PCNT: variants seen among roughly 807,000 people sequenced by gnomAD.
PCNT encodes pericentrin.
A neutral mutation model predicts 380.4 loss-of-function variants in PCNT; 319 were observed. The observed-to-expected ratio is 0.84, with a 90% CI of 0.77 to 0.92. The LOEUF is 0.92. PCNT is among the 40% of genes least tolerant of loss of function. The pLI, the probability that PCNT is intolerant of heterozygous loss-of-function variation, is 0.00. For missense variants in PCNT, 4,400 were observed against 4,255.3 expected (o/e 1.03, Z -0.95); for synonymous variants, 1,845 against 1,735.2 (o/e 1.06, Z -1.57).
At chr21:46,429,592 C>T (rs528125992) in intron 35 of PCNT, among the ~76,000 whole-genome samples, 23 of 152,158 alleles carry the variant, frequency 1.5e-4, no homozygotes, top group Non-Finnish European at 2.5e-4. Context: ...CCACGGGGTG[C>T]GGGAAGTATT....
At chr21:46,440,338 G>A (rs946890925) in intron 42 of PCNT, 136 bp downstream of exon 42, 88 of 918,582 alleles carry the variant, frequency 9.6e-5, no homozygotes, top group Non-Finnish European at 1.5e-4. Flanking sequence ...AGGAAAGGAC[G>A]TTCACAGAAT....
rs1342651494 is a variant in PCNT at position 46,382,065 on chromosome 21, GTATATTC to G, written c.3312+226_3312+232del. Among the ~76,000 whole-genome samples, 5,334 of 140,808 alleles carry G rather than the reference GTATATTC, an allele frequency of 0.038. 328 individuals carry two copies. Among genetic ancestry groups the G allele is most frequent in the East Asian group, 0.06 (274 of 4,584 alleles). The allele number at this position is 140,808 out of a possible 152,430, so 92.4% of individuals were successfully genotyped here. A position where few individuals can be genotyped will look rare whatever the true frequency, so the allele number is the denominator to read the frequency against. On this transcript the variant is annotated intron_variant, in intron 16 of 46. Coordinates refer to ENST00000359568, the MANE Select transcript of PCNT (RefSeq NM_006031.6). The stretch of plus-strand genomic sequence containing the variant: ...ATGGCGGAAGCGCATTCACCATGTT[GTATATTC>G]AGTGGCGGAAGCGCATTCATAGTGT...
chr21:46,409,613 C>G (rs948640807), intron 27 of PCNT, among the ~76,000 whole-genome samples: 2 of 151,950 alleles, frequency 1.3e-5, no homozygotes, highest in Non-Finnish European at 2.9e-5. Flanking sequence ...TTTTATTTTT[C>G]TTTTTTGACA....
At chr21:46,386,990 C>T (rs566513644) in intron 17 of PCNT, among the ~76,000 whole-genome samples, 1 of 152,306 alleles carries the variant, frequency 6.6e-6, no homozygotes, top group South Asian at 2.1e-4. Context: ...CCACTGCTCC[C>T]GTCTGTCTGT....
chr21:46,329,899 G>A (rs1205361604), intron 2 of PCNT, among the ~76,000 whole-genome samples: 1 of 152,206 alleles, frequency 6.6e-6, no homozygotes, highest in Non-Finnish European at 1.5e-5. Flanking sequence ...AGGCATGGCA[G>A]GGCCTGACTG....
intron 31 of PCNT, among the ~76,000 whole-genome samples, chr21:46,419,738 C>T (rs1313307353): frequency 6.6e-6 from 1 of 152,200 alleles, no homozygotes; most frequent in Non-Finnish European, 1.5e-5. Context: ...CTTGCCCCTC[C>T]TCAACGGTCT....
intron 4 of PCNT, 95 bp downstream of exon 4, chr21:46,346,303 C>T: frequency 1.5e-6 from 1 of 667,176 alleles, no homozygotes; most frequent in East Asian, 3.5e-5. Context: ...TGGGCGCTGC[C>T]ATCTCCTTTC....
In PCNT at chr21:46,430,139, G is replaced by A. The variant is rs150826832; in HGVS notation, c.7820G>A (p.Arg2607Gln). The A allele has an allele frequency of 7.5e-5, 121 of 1,614,100 alleles. No homozygotes were observed. The highest frequency in any genetic ancestry group is 9.4e-5 in the Non-Finnish European group (111 of 1,180,044). Residue 2607 changes from arginine (R) to glutamine (Q), a missense_variant, in exon 36 of 47, where the codon CGA becomes CAA. Transcript: ENST00000359568. ...CTGGCGGCGGAGCAGACTGTAGTGC[G>A]AGATTTGAAGTCCGACCTCTGTGAG... ...KLLAAEQTVV[R>Q]DLKSDLCESR...
At chr21:46,423,803 AGGGGGAGTGGGAGGGGAGGAGGGGGAG>A (rs2087367686) in intron 32 of PCNT, among the ~76,000 whole-genome samples, 25 of 18,528 alleles carry the variant, frequency 1.3e-3, no homozygotes, top group African/African-American at 4.5e-3. Flanking sequence ...GAGGAAGAGA[AGGGGGAGTGGGAGGGGAGGAGGGGGAG>A]GGGGAGGGGA....
rs755341946 is a variant in PCNT, at chr21:46,349,671, T to C, written c.1208-13T>C. ...TGTCTTGTAAACCAAGTGCCATTGC[T>C]TTACCTTTCTAGGGGCCCTTAGGAA... On this transcript the variant is annotated splice_polypyrimidine_tract_variant and intron_variant, in intron 7 of 46. Transcript: ENST00000359568. The C allele has an allele frequency of 1.2e-6, 2 of 1,613,712 alleles. No homozygotes were observed. Among genetic ancestry groups the C allele is most frequent in the African/African-American group, 1.3e-5 (1 of 75,040 alleles).
intron 15 of PCNT, among the ~76,000 whole-genome samples, chr21:46,371,683 G>C (rs2085131705): frequency 6.6e-6 from 1 of 152,218 alleles, no homozygotes; most frequent in Non-Finnish European, 1.5e-5. Context: ...ACCTATGCAG[G>C]ACTGCATTTA....
Position 46,389,353 on chromosome 21 carries a change from G to A in PCNT, c.3762G>A (p.Gln1254=), listed in dbSNP as rs886057184. 6.2e-7 allele frequency: 1 copy of A among 1,614,212 alleles called. No individual in the cohort carries two copies. Among genetic ancestry groups the A allele is most frequent in the Non-Finnish European group, 8.5e-7 (1 of 1,180,020 alleles). ...MSPESVRECE[Q]PIRRVFQSLS... ...CAGAAAGTGTGCGGGAGTGTGAGCA[G>A]CCCATCCGGAGGGTCTTCCAGAGCC... Residue 1254 remains glutamine (Q), a synonymous_variant, in exon 19 of 47, where the codon CAG becomes CAA. Coordinates refer to ENST00000359568, the MANE Select transcript of PCNT (RefSeq NM_006031.6).
chr21:46,396,516 C>T (rs904224405), intron 21 of PCNT, among the ~76,000 whole-genome samples: 2 of 152,230 alleles, frequency 1.3e-5, no homozygotes, highest in South Asian at 4.1e-4. Flanking sequence ...CTTTTCAAGG[C>T]CCTTCCAATA....
At chr21:46,379,697 C>G (rs1362930239) in intron 15 of PCNT, among the ~76,000 whole-genome samples, 2 of 152,134 alleles carry the variant, frequency 1.3e-5, no homozygotes, top group African/African-American at 4.8e-5. Context: ...ATTCTGTCTT[C>G]TGCCTGCTCG....
chr21:46,353,687 G>C (rs7277721), intron 10 of PCNT, among the ~76,000 whole-genome samples: 74 of 151,892 alleles, frequency 4.9e-4, no homozygotes, highest in African/African-American at 1.7e-3. Flanking sequence ...GCATGTGTGT[G>C]TGTTGGTGGC....
rs1223983541 is a variant in PCNT, at chr21:46,324,203, G to C, written c.-26G>C. ...CTCTGTGTCAGCCCCGTCACCGCCG[G>C]GCGGCCCGCGCGGAGTCTGAGGGAG... is the stretch of plus-strand genomic sequence containing the variant. On this transcript the variant is annotated 5_prime_UTR_variant, in exon 1 of 47. Coordinates refer to ENST00000359568, the MANE Select transcript of PCNT (RefSeq NM_006031.6). 1 of 1,603,360 alleles carries C rather than the reference G, an allele frequency of 6.2e-7. No homozygotes were observed. Among genetic ancestry groups the C allele is most frequent in the African/African-American group, 1.3e-5 (1 of 74,928 alleles).
At chr21:46,381,990 C>A in intron 16 of PCNT, 150 bp downstream of exon 16, 3 of 797,114 alleles carry the variant, frequency 3.8e-6, no homozygotes, top group Admixed American at 4.6e-5. Flanking sequence ...AGCGCATTCA[C>A]AGTGTTGTAG....
chr21:46,342,156 G>A (rs551591358), intron 3 of PCNT, among the ~76,000 whole-genome samples: 23 of 152,070 alleles, frequency 1.5e-4, no homozygotes, highest in Non-Finnish European at 2.5e-4. Context: ...GGCCAGGCTG[G>A]AGTGCAATGG....
At chr21:46,411,060 T>C (rs1374246619) in intron 27 of PCNT, 129 bp from the exon 28 acceptor site, 2 of 996,964 alleles carry the variant, frequency 2.0e-6, no homozygotes, top group Non-Finnish European at 3.2e-6. Flanking sequence ...TTTGCTTCTA[T>C]GGCTGCTTTG....
Sources: gnomAD v4.1 joint callset for allele counts (sites outside exome capture counted in the v4.1 genomes callset) on GRCh38, gnomAD v4.1.1 for gene constraint, MANE v1.5 for transcripts, NCBI Gene and HGNC (gene_info 2026-07-23, HGNC 2026-07-21) for gene names.